CPNE4: variants seen among roughly 807,000 people sequenced by gnomAD.
CPNE4 encodes copine 4.
A neutral mutation model predicts 67.9 loss-of-function variants in CPNE4; 25 were observed. That is an observed-to-expected ratio of 0.37 (90% CI 0.27 to 0.51). The LOEUF is 0.51. Among genes scored for constraint, CPNE4 ranks in the 20% least tolerant of loss-of-function variants. The probability of loss-of-function intolerance (pLI) is 0.93; values close to 1 mark genes in which losing one functional copy is unlikely to be tolerated. For synonymous variants in CPNE4, 242 were observed against 244.9 expected (o/e 0.99, Z 0.11); for missense variants, 464 against 690.8 (o/e 0.67, Z 3.68).
At chr3:131,884,482 G>T (rs1315474775) in intron 2 of CPNE4, among the ~76,000 whole-genome samples, 1 of 152,142 alleles carries the variant, frequency 6.6e-6, no homozygotes, top group Non-Finnish European at 1.5e-5. Context: ...AGGCATGGTG[G>T]GCACCAGCAG....
intron 7 of CPNE4, among the ~76,000 whole-genome samples, chr3:131,598,053 A>C (rs60979656): frequency 0.13 from 20,525 of 152,128 alleles, 1,903 homozygotes; most frequent in African/African-American, 0.26. Context: ...GAGGCAATTG[A>C]ACTGAATAAT....
chr3:131,833,508 G>A (rs536622899), intron 2 of CPNE4, among the ~76,000 whole-genome samples: 2 of 152,064 alleles, frequency 1.3e-5, no homozygotes, highest in African/African-American at 2.4e-5. Flanking sequence ...AGCCTTGGCA[G>A]CACAGTGAAA....
At chr3:131,799,093 T>C (rs1178568096) in intron 2 of CPNE4, among the ~76,000 whole-genome samples, 2 of 152,166 alleles carry the variant, frequency 1.3e-5, no homozygotes, top group Non-Finnish European at 2.9e-5. Flanking sequence ...TTGTGGAGTT[T>C]TGAAAACTGG....
At chr3:131,669,847 C>G in intron 6 of CPNE4, 83 bp from the exon 7 acceptor site, 1 of 1,035,926 alleles carries the variant, frequency 9.7e-7, no homozygotes, top group Non-Finnish European at 1.5e-6. Context: ...GCTTGAGAAA[C>G]CATTGTGATG....
At chr3:131,710,609 C>T (rs1242257323) in intron 3 of CPNE4, among the ~76,000 whole-genome samples, 3 of 152,156 alleles carry the variant, frequency 2.0e-5, no homozygotes, top group African/African-American at 4.8e-5. Flanking sequence ...CGCTCTGCAA[C>T]TTACTGTCAG....
intron 2 of CPNE4, among the ~76,000 whole-genome samples, chr3:131,783,744 T>C (rs1208141714): frequency 6.6e-6 from 1 of 151,984 alleles, no homozygotes; most frequent in African/African-American, 2.4e-5. Flanking sequence ...TTAAACCTAT[T>C]GCTTGGGGAC....
At chr3:131,870,322 A>C (rs1437175575) in intron 2 of CPNE4, among the ~76,000 whole-genome samples, 1 of 152,208 alleles carries the variant, frequency 6.6e-6, no homozygotes, top group Non-Finnish European at 1.5e-5. Context: ...TAAAAGGATG[A>C]CTAAGATATG....
chr3:131,811,837 C>T (rs967850097), intron 2 of CPNE4, among the ~76,000 whole-genome samples: 1 of 151,982 alleles, frequency 6.6e-6, no homozygotes, highest in Non-Finnish European at 1.5e-5. Context: ...CTCACTTAAC[C>T]TCTTCATCTT....
chr3:131,862,143 C>T (rs557980599), intron 2 of CPNE4, among the ~76,000 whole-genome samples: 1 of 152,230 alleles, frequency 6.6e-6, no homozygotes, highest in South Asian at 2.1e-4. Flanking sequence ...CATTATAAAC[C>T]TATATTTGCA....
At chr3:131,693,355 G>C (rs2081073691) in intron 5 of CPNE4, among the ~76,000 whole-genome samples, 1 of 151,808 alleles carries the variant, frequency 6.6e-6, no homozygotes, top group Non-Finnish European at 1.5e-5. Flanking sequence ...TTAAAATATT[G>C]GTTACATTGT....
At chr3:131,694,042 G>C (rs533634414) in intron 5 of CPNE4, among the ~76,000 whole-genome samples, 10 of 152,166 alleles carry the variant, frequency 6.6e-5, no homozygotes, top group African/African-American at 2.4e-4. Flanking sequence ...AGACTCCTGG[G>C]GGCTACCAGA....
At chr3:131,669,525 C>A (rs2080351635) in intron 7 of CPNE4, 150 bp downstream of exon 7, 1 of 573,412 alleles carries the variant, frequency 1.7e-6, no homozygotes, top group South Asian at 2.5e-5. Flanking sequence ...GAAGAAATAG[C>A]CCTTGTTTCT....
chr3:131,886,030 A>C (rs148842603), intron 2 of CPNE4, among the ~76,000 whole-genome samples: 1,598 of 152,324 alleles, frequency 0.01, 13 homozygotes, highest in Middle Eastern at 0.061. Context: ...GCCAAATGTT[A>C]ATCCCCAAGA....
intron 3 of CPNE4, among the ~76,000 whole-genome samples, chr3:131,714,652 C>A (rs1268098931): frequency 6.6e-6 from 1 of 152,140 alleles, no homozygotes; most frequent in East Asian, 1.9e-4. Flanking sequence ...TCTGGACCTG[C>A]AGAATAAGCA....
intron 2 of CPNE4, among the ~76,000 whole-genome samples, chr3:131,738,354 A>C (rs868318623): frequency 3.3e-5 from 5 of 152,246 alleles, no homozygotes; most frequent in Admixed American, 6.5e-5. Context: ...CTGGGAGCTG[A>C]GCTGAATGTT....
At chr3:131,813,481 TTATTTAAAATATA>T (rs1353950377) in intron 2 of CPNE4, among the ~76,000 whole-genome samples, 2 of 148,986 alleles carry the variant, frequency 1.3e-5, no homozygotes, top group African/African-American at 2.4e-5. Context: ...TTATATGTAT[TTATTTAAAATATA>T]TATTTAAAAT....
intron 2 of CPNE4, among the ~76,000 whole-genome samples, chr3:131,853,354 G>A (rs926487039): frequency 2.6e-5 from 4 of 151,608 alleles, no homozygotes; most frequent in African/African-American, 7.3e-5. Context: ...AAGTGGCACC[G>A]AAACAACTCG....
At chr3:131,984,726 G>A (rs2073000964) in intron 1 of CPNE4, among the ~76,000 whole-genome samples, 1 of 152,208 alleles carries the variant, frequency 6.6e-6, no homozygotes, top group African/African-American at 2.4e-5. Context: ...ATGGAAGGTT[G>A]TAGTGCCAGA....
At chr3:131,791,943 T>C (rs2083735851) in intron 2 of CPNE4, among the ~76,000 whole-genome samples, 1 of 152,146 alleles carries the variant, frequency 6.6e-6, no homozygotes, top group Non-Finnish European at 1.5e-5. Flanking sequence ...GAAGACCTCA[T>C]TAAGTTATTT....
Sources: allele counts gnomAD v4.1 joint callset (sites outside exome capture counted in the v4.1 genomes callset), GRCh38; gene constraint gnomAD v4.1.1; transcripts MANE v1.5; gene names NCBI Gene and HGNC (gene_info 2026-07-23, HGNC 2026-07-21).